The following FRMD4A variants were observed in gnomAD, a reference collection of about 807,000 sequenced individuals.
The protein encoded by FRMD4A is FERM domain containing 4A, also known as FERM domain-containing protein 4A.
In FRMD4A, 29 loss-of-function variants were observed where a neutral mutation model predicts 129.1. The observed-to-expected ratio is 0.22, with a 90% CI of 0.17 to 0.31. FRMD4A has a LOEUF of 0.31. Ranked by LOEUF, FRMD4A falls within the 10% of genes least tolerant of loss-of-function variation. FRMD4A has a pLI of 1.00. For missense variants in FRMD4A, 1,272 were observed against 1,375.8 expected, an observed-to-expected ratio of 0.92 and a Z score of 1.19; for synonymous variants, 634 against 571.6, an observed-to-expected ratio of 1.11 and a Z score of -1.56.
chr10:14,319,284 T>G (rs1846875262), intron 2 of FRMD4A, among the ~76,000 whole-genome samples: 1 of 152,004 alleles, frequency 6.6e-6, no homozygotes, highest in Non-Finnish European at 1.5e-5. Context: ...TACTGAATTT[T>G]GTACAAAAAT....
rs573731386 is a variant in FRMD4A, at chr10:13,889,337, C to T, written c.46-30425G>A. ...CATATCTGCTATTCCACAGAGCTCT[C>T]TCCCCAAGTTCCAGAACCAAGCAAG... is the stretch of plus-strand genomic sequence containing the variant. On this transcript the variant is annotated intron_variant, in intron 2 of 24. Transcript: ENST00000357447. Among the ~76,000 whole-genome samples, 239 of 152,356 alleles carry T rather than the reference C, an allele frequency of 1.6e-3. 5 individuals carry two copies. Among genetic ancestry groups the T allele is most frequent in the Middle Eastern group, 6.8e-3 (2 of 294 alleles).
At chr10:14,203,680 G>A (rs1422697696) in intron 2 of FRMD4A, among the ~76,000 whole-genome samples, 1 of 152,182 alleles carries the variant, frequency 6.6e-6, no homozygotes, top group Non-Finnish European at 1.5e-5. Flanking sequence ...TCATCTGGCT[G>A]TGTCCCATCA....
intron 2 of FRMD4A, among the ~76,000 whole-genome samples, chr10:14,152,115 TGC>T (rs1254626235): frequency 8.8e-5 from 11 of 124,424 alleles, no homozygotes; most frequent in Non-Finnish European, 1.7e-4. Context: ...GTTTGTGTAG[TGC>T]TTTTTTTTTT....
intron 2 of FRMD4A, among the ~76,000 whole-genome samples, chr10:14,284,898 T>C (rs931320134): frequency 1.3e-5 from 2 of 152,328 alleles, no homozygotes; most frequent in East Asian, 1.9e-4. Flanking sequence ...TCTTCTCTTA[T>C]ACCCGCAGGA....
At chr10:14,330,566 C>T (rs567100891) in intron 1 of FRMD4A, 31 bp downstream of exon 1, 3 of 406,774 alleles carry the variant, frequency 7.4e-6, no homozygotes, top group African/African-American at 6.1e-5. Context: ...AGCAATTCTG[C>T]TGCATAAACA....
chr10:13,975,423 G>A (rs1404944021), intron 2 of FRMD4A, among the ~76,000 whole-genome samples: 5 of 151,858 alleles, frequency 3.3e-5, no homozygotes, highest in Non-Finnish European at 5.9e-5. Context: ...ATATGTGTCT[G>A]TGCGTATGTG....
intron 2 of FRMD4A, among the ~76,000 whole-genome samples, chr10:13,876,494 C>A (rs1713180174): frequency 6.6e-6 from 1 of 152,154 alleles, no homozygotes; most frequent in Admixed American, 6.5e-5. Flanking sequence ...GAGTTACCGG[C>A]ATCTGTTGCT....
chr10:13,922,006 G>GTAT (rs2095078552), intron 2 of FRMD4A, among the ~76,000 whole-genome samples: 1 of 152,050 alleles, frequency 6.6e-6, no homozygotes, highest in African/African-American at 2.4e-5. Flanking sequence ...GGTGGAGCCT[G>GTAT]CATGTTGAGA....
At chr10:14,330,224 A>C in intron 1 of FRMD4A, 41 bp from the exon 2 acceptor site, 1 of 972,412 alleles carries the variant, frequency 1.0e-6, no homozygotes. Context: ...AGGGAGCAAA[A>C]GGCTCAAGGG....
At chr10:13,649,784 T>C (rs2081399677) in intron 24 of FRMD4A, 1 of 152,222 alleles carries the variant, frequency 6.6e-6, no homozygotes, top group East Asian at 1.9e-4. Context: ...AGTCAAGGAA[T>C]GCCATGTGCT....
At chr10:14,122,357 G>A (rs905966742) in intron 2 of FRMD4A, among the ~76,000 whole-genome samples, 46 of 152,048 alleles carry the variant, frequency 3.0e-4, no homozygotes, top group African/African-American at 1.1e-3. Flanking sequence ...GTTTTTAATT[G>A]ACAAATAATT....
intron 6 of FRMD4A, among the ~76,000 whole-genome samples, chr10:13,774,202 G>A (rs1000095993): frequency 6.6e-6 from 1 of 152,110 alleles, no homozygotes; most frequent in African/African-American, 2.4e-5. Flanking sequence ...TTAATTTTCT[G>A]CAACTTGGAT....
At chr10:14,074,198 A>G (rs1315789043) in intron 2 of FRMD4A, 2 of 152,284 alleles carry the variant, frequency 1.3e-5, no homozygotes, top group Non-Finnish European at 2.9e-5. Flanking sequence ...GTGAGTTCTG[A>G]CAGTACAGAA....
At chr10:13,843,027 G>C (rs2093991023) in intron 3 of FRMD4A, among the ~76,000 whole-genome samples, 1 of 152,166 alleles carries the variant, frequency 6.6e-6, no homozygotes, top group Non-Finnish European at 1.5e-5. Flanking sequence ...AAATCAAAAA[G>C]TCTGGGAACT....
intron 2 of FRMD4A, among the ~76,000 whole-genome samples, chr10:13,939,264 T>G (rs1390561352): frequency 6.6e-6 from 1 of 152,222 alleles, no homozygotes; most frequent in East Asian, 1.9e-4. Flanking sequence ...GTTTTGAAAA[T>G]TGTTAACCAC....
At chr10:14,051,282 C>T (rs1009743551) in intron 2 of FRMD4A, among the ~76,000 whole-genome samples, 1 of 152,144 alleles carries the variant, frequency 6.6e-6, no homozygotes, top group Non-Finnish European at 1.5e-5. Flanking sequence ...AGCTACACTC[C>T]CAGGTCATGC....
In FRMD4A at chr10:14,228,807, A is replaced by G. The variant is rs553572737; in HGVS notation, c.45+101251T>C. Among the ~76,000 whole-genome samples the G allele has an allele frequency of 2.0e-5, 3 of 152,132 alleles. No homozygotes were observed. The East Asian group carries it at 5.8e-4, about 29-fold the overall frequency. ...AAAATACATGCAATTAATTTCTGAC[A>G]TGAAGAAAAATTACAATTAATCCCT... On this transcript the variant is annotated intron_variant, in intron 2 of 24. Coordinates refer to ENST00000357447, the MANE Select transcript of FRMD4A (RefSeq NM_018027.5).
intron 2 of FRMD4A, among the ~76,000 whole-genome samples, chr10:13,998,366 A>C (rs1336794130): frequency 1.3e-5 from 2 of 152,232 alleles, no homozygotes; most frequent in Non-Finnish European, 2.9e-5. Context: ...AGAGTTGAGA[A>C]GAAATCACAT....
At position 14,258,007 on chromosome 10, in the gene FRMD4A, T is replaced by A. The variant is rs1028804669; in HGVS notation, c.45+72051A>T. Among the ~76,000 whole-genome samples the A allele has an allele frequency of 2.0e-5, 3 of 152,084 alleles. No individual in the cohort carries two copies. The South Asian group carries it at 6.2e-4, about 31-fold the overall frequency. ...AATATTGGATAGCCAGACACAAAGG[T>A]AAAACTTGACTATTATCTTACACTA... On this transcript the variant is annotated intron_variant, in intron 2 of 24. Transcript: ENST00000357447.
Sources: allele counts gnomAD v4.1 joint callset (sites outside exome capture counted in the v4.1 genomes callset), GRCh38; gene constraint gnomAD v4.1.1; transcripts MANE v1.5; gene names NCBI Gene and HGNC (gene_info 2026-07-23, HGNC 2026-07-21).